RAB18: variants seen among roughly 807,000 people sequenced by gnomAD.
RAB18 encodes the protein ras-related protein Rab-18.
In RAB18, 10 loss-of-function variants were observed where a neutral mutation model predicts 28.5. That is an observed-to-expected ratio of 0.35 (90% CI 0.22 to 0.60). The LOEUF (loss-of-function observed/expected upper bound fraction) is 0.60. RAB18 is among the 20% of genes least tolerant of loss of function. RAB18 has a pLI of 0.78. For synonymous variants in RAB18, 93 were observed against 86.9 expected (o/e 1.07, Z -0.39); for missense variants, 188 against 244.2 (o/e 0.77, Z 1.53).
intron 2 of RAB18, among the ~76,000 whole-genome samples, chr10:27,521,904 T>C (rs1834562961): frequency 6.6e-6 from 1 of 151,264 alleles, no homozygotes. Flanking sequence ...AAGAGGGTGA[T>C]GTGCTCTGGT....
intron 4 of RAB18, among the ~76,000 whole-genome samples, chr10:27,532,843 A>G (rs746068063): frequency 2.5e-4 from 38 of 152,108 alleles, no homozygotes; most frequent in Non-Finnish European, 5.2e-4. Flanking sequence ...TAATCAGCAT[A>G]TGTTGGACTG....
chr10:27,508,439 T>TCTTAA (rs10677642), intron 1 of RAB18, among the ~76,000 whole-genome samples: 150,933 of 152,312 alleles, frequency 0.99, 74,793 homozygotes, highest in Non-Finnish European at 1. Flanking sequence ...TACAAGGTAA[T>TCTTAA]CTTATGTTTT....
At chr10:27,534,065 T>C in intron 6 of RAB18, 71 bp downstream of exon 6, 1 of 1,377,466 alleles carries the variant, frequency 7.3e-7, no homozygotes, top group South Asian at 1.2e-5. Flanking sequence ...TTTGCCAAGT[T>C]TATTTCTTTA....
intron 6 of RAB18, among the ~76,000 whole-genome samples, chr10:27,534,981 CTT>C (rs1834863516): frequency 6.6e-6 from 1 of 152,196 alleles, no homozygotes; most frequent in Admixed American, 6.5e-5. Flanking sequence ...AACTGACAAA[CTT>C]TCTGCCCACA....
intron 6 of RAB18, among the ~76,000 whole-genome samples, chr10:27,536,645 C>T (rs1437028642): frequency 6.6e-6 from 1 of 152,214 alleles, no homozygotes; most frequent in Non-Finnish European, 1.5e-5. Context: ...CTGCACATGA[C>T]ATGTCAGTGG....
In RAB18 at chr10:27,531,754, G is replaced by A. The variant is rs1412063182; in HGVS notation, c.187-753G>A. On this transcript the variant is annotated intron_variant, in intron 3 of 6. Transcript: ENST00000356940. ...GAAAGACAAGAGAGAGAAGGAATTG[G>A]GCCCGGAAGTAAAGGCTTGTTAAAT... 4 of 524,800 alleles carry A rather than the reference G, an allele frequency of 7.6e-6. No homozygotes were observed. In the African/African-American group the frequency reaches 7.9e-5, roughly 10 times the overall value. 32.5% of individuals were successfully genotyped at this position (524,800 alleles called of 1,614,324 possible).
chr10:27,530,459 A>ACTAC (rs1412348429), intron 3 of RAB18, among the ~76,000 whole-genome samples: 1 of 150,858 alleles, frequency 6.6e-6, no homozygotes, highest in African/African-American at 2.4e-5. Flanking sequence ...GATAGTCTGT[A>ACTAC]CTACTAAAAG....
In RAB18 at chr10:27,538,536, T is replaced by G; in HGVS notation, c.*485T>G. The G allele has an allele frequency of 2.2e-6, 1 of 454,568 alleles. No homozygotes were observed. Among genetic ancestry groups the G allele is most frequent in the Non-Finnish European group, 4.4e-6 (1 of 226,810 alleles). The allele number at this position is 454,568 out of a possible 1,614,324, so 28.2% of individuals were successfully genotyped here. A position where few individuals can be genotyped will look rare whatever the true frequency, so the allele number is the denominator to read the frequency against. On this transcript the variant is annotated 3_prime_UTR_variant, in exon 7 of 7. Coordinates refer to ENST00000356940, the MANE Select transcript of RAB18 (RefSeq NM_021252.5). ...ACAGCTTTTCTGGGATGTTTGAGAT[T>G]CTTTTTTAGTACTAAGCAAAATTCT...
chr10:27,523,310 T>G, intron 2 of RAB18, among the ~76,000 whole-genome samples: 1 of 150,356 alleles, frequency 6.7e-6, no homozygotes, highest in African/African-American at 2.4e-5. Context: ...ATTGAGCTTT[T>G]TTGATCTGTG....
intron 6 of RAB18, 72 bp from the exon 7 acceptor site, chr10:27,537,804 G>A (rs1834930842): frequency 2.2e-6 from 3 of 1,373,582 alleles, no homozygotes; most frequent in Middle Eastern, 1.8e-4. Flanking sequence ...TGCCCTGATA[G>A]TTTCCCAGAA....
intron 2 of RAB18, among the ~76,000 whole-genome samples, chr10:27,519,737 G>A (rs1834509082): frequency 6.6e-6 from 1 of 152,052 alleles, no homozygotes; most frequent in Non-Finnish European, 1.5e-5. Flanking sequence ...TTGCTAAGAG[G>A]TCAGTTCTCC....
In RAB18 at chr10:27,539,516, C is replaced by T. The variant is rs1198341018; in HGVS notation, c.*1465C>T. ...CATGTGGTTGAAGGTTTTATACATT[C>T]TATATGCTTTTACTAAATATACAAG... On this transcript the variant is annotated 3_prime_UTR_variant, in exon 7 of 7. Transcript: ENST00000356940. The T allele has an allele frequency of 5.3e-6, 2 of 375,434 alleles. No homozygotes were observed. The highest frequency in any genetic ancestry group is 3.6e-5 in the Admixed American group (1 of 27,856). The allele number at this position is 375,434 out of a possible 1,614,324, so 23.3% of individuals were successfully genotyped here.
chr10:27,520,777 C>T (rs1208847956), intron 2 of RAB18, among the ~76,000 whole-genome samples: 2 of 151,600 alleles, frequency 1.3e-5, no homozygotes, highest in African/African-American at 4.8e-5. Flanking sequence ...ATTAGCCAGG[C>T]ATAGTGGCGG....
chr10:27,507,546 C>CTT lies in RAB18; in HGVS notation c.69-2314_69-2313dup, dbSNP rs11459156. Among the ~76,000 whole-genome samples the CTT allele has an allele frequency of 2.5e-3, 339 of 136,404 alleles. 3 individuals carry two copies. The highest frequency in any genetic ancestry group is 0.014 in the East Asian group (66 of 4,726). The allele number at this position is 136,404 out of a possible 152,430, so 89.5% of individuals were successfully genotyped here. On this transcript the variant is annotated intron_variant, in intron 1 of 6. Transcript: ENST00000356940. Reference sequence around the variant, plus strand: ...GTCCCTCCTTTGCCCCTTGCCTTCCCTTTTTTTTTTTTTTTTGGTGAATTT... The same window carrying CTT: ...GTCCCTCCTTTGCCCCTTGCCTTCCCTTTTTTTTTTTTTTTTTTGGTGAATTT...
intron 6 of RAB18, 36 bp downstream of exon 6, chr10:27,534,030 T>C (rs1286476262): frequency 6.5e-7 from 1 of 1,537,664 alleles, no homozygotes; most frequent in South Asian, 1.1e-5. Context: ...CTTTCATTAT[T>C]AATGAGGAAT....
intron 2 of RAB18, among the ~76,000 whole-genome samples, chr10:27,512,383 T>A (rs1196608511): frequency 3.9e-5 from 6 of 152,106 alleles, no homozygotes; most frequent in Non-Finnish European, 7.4e-5. Context: ...CTTGGCTCAC[T>A]GCAGCCTCCA....
At chr10:27,514,779 T>C (rs957693082) in intron 2 of RAB18, among the ~76,000 whole-genome samples, 1 of 152,024 alleles carries the variant, frequency 6.6e-6, no homozygotes, top group Non-Finnish European at 1.5e-5. Context: ...TTTTGTTTTT[T>C]TTTTTCTTTG....
In RAB18 at chr10:27,521,163, G is replaced by A. The variant is rs542954768; in HGVS notation, c.125-5665G>A. ...TTGTAATCAGAAAAATGGTTTGCAT[G>A]ATTTCGGTTTTTTAATATGTATTAA... On this transcript the variant is annotated intron_variant, in intron 2 of 6. Transcript: ENST00000356940. Among the ~76,000 whole-genome samples the A allele has an allele frequency of 6.6e-5, 10 of 152,006 alleles. No homozygotes were observed. The South Asian group carries it at 1.9e-3, about 28-fold the overall frequency.
chr10:27,527,198 G>A, intron 3 of RAB18: 2 of 411,648 alleles, frequency 4.9e-6, no homozygotes, highest in Non-Finnish European at 9.3e-6. Context: ...GTTTTAAAAA[G>A]ACCATCTAGA....
Sources: allele counts gnomAD v4.1 joint callset (sites outside exome capture counted in the v4.1 genomes callset), GRCh38; gene constraint gnomAD v4.1.1; transcripts MANE v1.5; gene names NCBI Gene and HGNC (gene_info 2026-07-23, HGNC 2026-07-21).